RFFL: variants seen among roughly 807,000 people sequenced by gnomAD.
The protein encoded by RFFL is ring finger and FYVE like domain containing E3 ubiquitin protein ligase.
RFFL carries 16 observed loss-of-function variants against 40.4 expected under a neutral mutation model. The observed-to-expected ratio is 0.40, with a 90% CI of 0.27 to 0.60. The LOEUF (loss-of-function observed/expected upper bound fraction) is 0.60. RFFL is among the 20% of genes least tolerant of loss of function. The pLI is 0.47. For synonymous variants in RFFL, 154 were observed against 167.9 expected (o/e 0.92, Z 0.64); for missense variants, 367 against 451.7 (o/e 0.81, Z 1.70).
At chr17:35,017,683 C>G (rs2142317720) in intron 3 of RFFL, 77 bp from the exon 4 acceptor site, 1 of 963,858 alleles carries the variant, frequency 1.0e-6, no homozygotes, top group Non-Finnish European at 1.6e-6. Context: ...TTTCAACTCA[C>G]ACAATGTCCA....
rs1259924465 is a variant in RFFL at position 35,007,759 on chromosome 17, T to C, written c.*4209A>G. On this transcript the variant is annotated 3_prime_UTR_variant, in exon 7 of 7. Coordinates refer to ENST00000394597, the MANE Select transcript of RFFL (RefSeq NM_001017368.2). ...ACCTTTTTTTTTTTTTTAAACAGAC[T>C]CTTGCTCTGTCATTCAGGCTGGAGT... 2 of 150,174 alleles carry C rather than the reference T, an allele frequency of 1.3e-5. No individual in the cohort carries two copies. Among genetic ancestry groups the C allele is most frequent in the African/African-American group, 4.9e-5 (2 of 40,470 alleles). 9.3% of individuals were successfully genotyped at this position (150,174 alleles called of 1,614,324 possible). A position where few individuals can be genotyped will look rare whatever the true frequency, so the allele number is the denominator to read the frequency against.
chr17:35,050,310 A>C (rs2091224620), intron 1 of RFFL, among the ~76,000 whole-genome samples: 1 of 152,090 alleles, frequency 6.6e-6, no homozygotes, highest in African/African-American at 2.4e-5. Flanking sequence ...TAATCCCAGT[A>C]CTGTGAGAGG....
rs1247591109 is a variant in RFFL, at chr17:35,010,715, G to T, written c.*1253C>A. Reference sequence around the variant, plus strand: ...TGCAGTAAGCCAAGACTGTACCACTGCACTCCAGCCTGGGCAACAGAGTGA... The same window carrying T: ...TGCAGTAAGCCAAGACTGTACCACTTCACTCCAGCCTGGGCAACAGAGTGA... On this transcript the variant is annotated 3_prime_UTR_variant, in exon 7 of 7. Transcript: ENST00000394597. The T allele has an allele frequency of 6.8e-6, 1 of 146,784 alleles. No individual in the cohort carries two copies. The highest frequency in any genetic ancestry group is 2.6e-5 in the African/African-American group (1 of 38,842). The allele number at this position is 146,784 out of a possible 1,614,324, so 9.1% of individuals were successfully genotyped here.
chr17:35,031,252 G>A (rs945799883), intron 1 of RFFL, among the ~76,000 whole-genome samples: 7 of 151,892 alleles, frequency 4.6e-5, no homozygotes, highest in African/African-American at 1.5e-4. Context: ...GATTACAGGC[G>A]CCTGCTACCA....
intron 1 of RFFL, among the ~76,000 whole-genome samples, chr17:35,060,310 T>G (rs2091283866): frequency 6.6e-6 from 1 of 152,238 alleles, no homozygotes; most frequent in Non-Finnish European, 1.5e-5. Context: ...ACCTTGATGA[T>G]AAAGTGGCCT....
In RFFL at chr17:35,007,929, C is replaced by T. The variant is rs146047580; in HGVS notation, c.*4039G>A. ...TAAGTTTTTGTATTTTTAGTAGAGACCACGTTTCGCCATGTTGTCCAGACT... is the reference window on the plus strand; with the variant it reads ...TAAGTTTTTGTATTTTTAGTAGAGATCACGTTTCGCCATGTTGTCCAGACT... On this transcript the variant is annotated 3_prime_UTR_variant, in exon 7 of 7. Coordinates refer to ENST00000394597, the MANE Select transcript of RFFL (RefSeq NM_001017368.2). 7 of 152,246 alleles carry T rather than the reference C, an allele frequency of 4.6e-5. No individual in the cohort carries two copies. The highest frequency in any genetic ancestry group is 1.7e-4 in the African/African-American group (7 of 41,542). The allele number at this position is 152,246 out of a possible 1,614,324, so 9.4% of individuals were successfully genotyped here.
At chr17:35,053,820 C>T (rs745875676) in intron 1 of RFFL, among the ~76,000 whole-genome samples, 1 of 152,212 alleles carries the variant, frequency 6.6e-6, no homozygotes, top group African/African-American at 2.4e-5. Context: ...ATTGCCAGAT[C>T]TCTTGATATT....
chr17:35,029,856 G>A (rs575968344), intron 1 of RFFL, among the ~76,000 whole-genome samples: 54 of 102,362 alleles, frequency 5.3e-4, no homozygotes, highest in African/African-American at 2.2e-3. Context: ...CCAACGCCAC[G>A]ACAGTCCCCA....
chr17:35,015,070 G>A (rs1422093568), intron 5 of RFFL, among the ~76,000 whole-genome samples: 1 of 152,100 alleles, frequency 6.6e-6, no homozygotes, highest in Non-Finnish European at 1.5e-5. Context: ...GGGTTCAAGC[G>A]ATTCTCCTGC....
chr17:35,085,723 C>CA (rs1414841405), intron 1 of RFFL, among the ~76,000 whole-genome samples: 1 of 152,194 alleles, frequency 6.6e-6, no homozygotes, highest in Non-Finnish European at 1.5e-5. Flanking sequence ...CCACTGCGCC[C>CA]AGCCAAGATG....
At chr17:35,083,780 C>CAAAA (rs1386219932) in intron 1 of RFFL, among the ~76,000 whole-genome samples, 14 of 76,890 alleles carry the variant, frequency 1.8e-4, no homozygotes, top group Non-Finnish European at 3.5e-4. Flanking sequence ...GACTCTGTCT[C>CAAAA]AAAAAAAAAA....
At chr17:35,086,895 G>A (rs559530385) in intron 1 of RFFL, among the ~76,000 whole-genome samples, 32 of 152,342 alleles carry the variant, frequency 2.1e-4, no homozygotes, top group African/African-American at 7.5e-4. Flanking sequence ...TAGGTTTACA[G>A]AGGTGTTCTC....
In RFFL at chr17:35,087,103, T is replaced by C. The variant is rs564611779; in HGVS notation, c.-9+2002A>G. Among the ~76,000 whole-genome samples the C allele has an allele frequency of 2.6e-5, 4 of 152,316 alleles. No individual in the cohort carries two copies. In the East Asian group the frequency reaches 7.7e-4, roughly 29 times the overall value. ...GGCCTGGCGCGGTGGCTCACATCTGTAATCTCAGAACTTGGGGAAGCCAAG... is the reference window on the plus strand; with the variant it reads ...GGCCTGGCGCGGTGGCTCACATCTGCAATCTCAGAACTTGGGGAAGCCAAG... On this transcript the variant is annotated intron_variant, in intron 1 of 6. Coordinates refer to the RFFL transcript ENST00000315249.
chr17:35,014,906 C>T, intron 5 of RFFL, 143 bp from the exon 6 acceptor site: 1 of 721,506 alleles, frequency 1.4e-6, no homozygotes, highest in Non-Finnish European at 2.5e-6. Flanking sequence ...GACATCTGCC[C>T]TCTACTCGCT....
In RFFL at chr17:35,037,983, T is replaced by C. The variant is rs1269687577; in HGVS notation, c.-8-11422A>G. Among the ~76,000 whole-genome samples, 7 of 152,008 alleles carry C rather than the reference T, an allele frequency of 4.6e-5. No individual in the cohort carries two copies. In the East Asian group the frequency reaches 1.2e-3, roughly 25 times the overall value. On this transcript the variant is annotated intron_variant, in intron 1 of 6. Transcript: ENST00000394597. Reference sequence around the variant, plus strand: ...AAAAAGAGATACTAGCAAATGTTGATAAGGATAAAGAGCAACTGGAGCAGA... The same window carrying C: ...AAAAAGAGATACTAGCAAATGTTGACAAGGATAAAGAGCAACTGGAGCAGA...
intron 1 of RFFL, among the ~76,000 whole-genome samples, chr17:35,076,454 G>A (rs2142382338): frequency 6.6e-6 from 1 of 151,904 alleles, no homozygotes; most frequent in East Asian, 2.0e-4. Flanking sequence ...GCCAAGGTGG[G>A]CAGATCACCT....
chr17:35,010,419 A>T lies in RFFL; in HGVS notation c.*1549T>A, dbSNP rs780057226. The stretch of plus-strand genomic sequence containing the variant: ...GTAAAGACTGTGAGGGCTCAAATAC[A>T]TCACCTACTCATTGCATGGTCCTTC... On this transcript the variant is annotated 3_prime_UTR_variant, in exon 7 of 7. Coordinates refer to ENST00000394597, the MANE Select transcript of RFFL (RefSeq NM_001017368.2). 4 of 152,198 alleles carry T rather than the reference A, an allele frequency of 2.6e-5. No homozygotes were observed. Among genetic ancestry groups the T allele is most frequent in the Non-Finnish European group, 5.9e-5 (4 of 68,074 alleles). 9.4% of individuals were successfully genotyped at this position (152,198 alleles called of 1,614,324 possible). A position where few individuals can be genotyped will look rare whatever the true frequency, so the allele number is the denominator to read the frequency against.
At chr17:35,029,804 T>C (rs2091070147) in intron 1 of RFFL, among the ~76,000 whole-genome samples, 1 of 151,462 alleles carries the variant, frequency 6.6e-6, no homozygotes, top group South Asian at 2.1e-4. Context: ...ACTCGTTATT[T>C]AGCATTAGGT....
intron 1 of RFFL, among the ~76,000 whole-genome samples, chr17:35,076,487 C>A (rs1276868769): frequency 1.3e-5 from 2 of 151,578 alleles, no homozygotes; most frequent in Non-Finnish European, 2.9e-5. Flanking sequence ...TCAAGACCAG[C>A]CTGACCAACA....
Sources: allele counts gnomAD v4.1 joint callset (sites outside exome capture counted in the v4.1 genomes callset), GRCh38; gene constraint gnomAD v4.1.1; transcripts MANE v1.5; gene names NCBI Gene and HGNC (gene_info 2026-07-23, HGNC 2026-07-21).